FOXP2: variants seen among roughly 807,000 people sequenced by gnomAD.
FOXP2 encodes forkhead box protein P2.
In FOXP2, 12 loss-of-function variants were observed where a neutral mutation model predicts 115.8. The ratio of observed to expected loss-of-function variants is 0.10; its 90% CI spans 0.07 to 0.17. FOXP2 has a LOEUF of 0.17. Among genes scored for constraint, FOXP2 ranks in the 10% least tolerant of loss-of-function variants. FOXP2 has a pLI of 1.00. For missense variants in FOXP2, 629 were observed against 843.5 expected, an observed-to-expected ratio of 0.75 and a Z score of 3.15; for synonymous variants, 328 against 297.7, an observed-to-expected ratio of 1.10 and a Z score of -1.05.
chr7:114,232,542 G>T (rs1794907571), intron 1 of FOXP2, among the ~76,000 whole-genome samples: 1 of 152,078 alleles, frequency 6.6e-6, no homozygotes, highest in Admixed American at 6.6e-5. Flanking sequence ...GGCCCGGCAG[G>T]GTGGCTCATG....
rs1318090982 is a variant in FOXP2 at position 114,631,487 on chromosome 7, A to G, written c.598-41A>G. 5.2e-6 allele frequency: 8 copies of G among 1,551,464 alleles called. No individual in the cohort carries two copies. The African/African-American group carries it at 5.5e-5, about 11-fold the overall frequency. On this transcript the variant is annotated intron_variant, in intron 5 of 16. Transcript: ENST00000350908. Reference sequence around the variant, plus strand: ...TGTAAGAGAGCTGTTTGTACAGACCATGTTCTCTGCTGTTTACTGGTTTGG... The same window carrying G: ...TGTAAGAGAGCTGTTTGTACAGACCGTGTTCTCTGCTGTTTACTGGTTTGG...
At chr7:114,258,953 T>C (rs1795684138) in intron 1 of FOXP2, among the ~76,000 whole-genome samples, 1 of 152,156 alleles carries the variant, frequency 6.6e-6, no homozygotes, top group African/African-American at 2.4e-5. Context: ...TTTCCACTTG[T>C]AGAGGAGAAT....
chr7:114,134,541 G>T (rs948528961), intron 1 of FOXP2, among the ~76,000 whole-genome samples: 5 of 151,484 alleles, frequency 3.3e-5, no homozygotes, highest in Non-Finnish European at 5.9e-5. Context: ...GTGAAACCCC[G>T]TCTCTACTAA....
intron 3 of FOXP2, among the ~76,000 whole-genome samples, chr7:114,592,267 T>A (rs781272655): frequency 2.0e-5 from 3 of 152,126 alleles, no homozygotes; most frequent in Non-Finnish European, 2.9e-5. Context: ...AATATTCATA[T>A]GTAGTATTCT....
At chr7:114,582,039 C>T (rs961910657) in intron 3 of FOXP2, among the ~76,000 whole-genome samples, 7 of 152,018 alleles carry the variant, frequency 4.6e-5, no homozygotes, top group African/African-American at 1.7e-4. Flanking sequence ...AGAATGGTGG[C>T]TTGAGACGAA....
At position 114,547,583 on chromosome 7, in the gene FOXP2, C is replaced by T. The variant is rs550041599; in HGVS notation, c.258+12877C>T. ...CCATCCTGAATAACACGGTGAAACC[C>T]CGTCTCTACTAAAAAATTACAAAAA... is the stretch of plus-strand genomic sequence containing the variant. On this transcript the variant is annotated intron_variant, in intron 3 of 16. Transcript: ENST00000350908. Among the ~76,000 whole-genome samples, 207 of 152,184 alleles carry T rather than the reference C, an allele frequency of 1.4e-3. 3 individuals are homozygous for T. The highest frequency in any genetic ancestry group is 2.3e-3 in the Non-Finnish European group (155 of 68,024).
chr7:114,527,044 C>CA (rs1488356738), intron 2 of FOXP2, among the ~76,000 whole-genome samples: 1 of 142,844 alleles, frequency 7.0e-6, no homozygotes, highest in Non-Finnish European at 1.5e-5. Context: ...GCATATTATA[C>CA]AAATGGAATG....
chr7:114,289,693 G>A (rs1796546742), intron 2 of FOXP2, among the ~76,000 whole-genome samples: 1 of 151,870 alleles, frequency 6.6e-6, no homozygotes, highest in African/African-American at 2.4e-5. Context: ...TGCACTTGAA[G>A]TTAGTCCTCA....
At chr7:114,227,765 A>T (rs183485998) in intron 1 of FOXP2, among the ~76,000 whole-genome samples, 6 of 152,156 alleles carry the variant, frequency 3.9e-5, no homozygotes, top group Admixed American at 3.9e-4. Context: ...AACAGAGGGC[A>T]AATACCAGTG....
At chr7:114,533,161 A>T (rs1584861629) in intron 2 of FOXP2, among the ~76,000 whole-genome samples, 1 of 152,102 alleles carries the variant, frequency 6.6e-6, no homozygotes, top group East Asian at 1.9e-4. Flanking sequence ...AAATGTAAAA[A>T]GTGTGCTTTA....
rs1034742158 is a variant in FOXP2 at position 114,527,640 on chromosome 7, T to C, written c.169-6977T>C. ...TTATATTTACTGTCTACTAAAGAAA[T>C]CTTCTCTTGATTATTCTGCCATCAG... On this transcript the variant is annotated intron_variant, in intron 2 of 16. Transcript: ENST00000350908. 7.9e-5 allele frequency among the ~76,000 whole-genome samples: 12 copies of C among 152,296 alleles called. 1 individual carries two copies. The South Asian group carries it at 2.5e-3, about 32-fold the overall frequency.
chr7:114,565,942 T>C (rs958203893), intron 3 of FOXP2, among the ~76,000 whole-genome samples: 3 of 152,196 alleles, frequency 2.0e-5, no homozygotes, highest in African/African-American at 2.4e-5. Flanking sequence ...ATTTCTCTTT[T>C]CTTCATCTTC....
chr7:114,147,897 T>C (rs1250330603), intron 1 of FOXP2, among the ~76,000 whole-genome samples: 1 of 152,170 alleles, frequency 6.6e-6, no homozygotes, highest in African/African-American at 2.4e-5. Flanking sequence ...GTTTATATGG[T>C]TGAGCCTTGC....
intron 3 of FOXP2, among the ~76,000 whole-genome samples, chr7:114,626,059 A>G (rs1023230223): frequency 6.6e-6 from 1 of 151,836 alleles, no homozygotes; most frequent in African/African-American, 2.4e-5. Flanking sequence ...TAAAATTTTA[A>G]AAAATCACAT....
intron 2 of FOXP2, among the ~76,000 whole-genome samples, chr7:114,498,657 C>A (rs1168894498): frequency 6.6e-6 from 1 of 152,114 alleles, no homozygotes; most frequent in Non-Finnish European, 1.5e-5. Context: ...AGGTAACTAT[C>A]TAATTAATAA....
chr7:114,350,034 A>G (rs1791443297), intron 2 of FOXP2, among the ~76,000 whole-genome samples: 1 of 152,204 alleles, frequency 6.6e-6, no homozygotes, highest in African/African-American at 2.4e-5. Flanking sequence ...ATGTAGCACT[A>G]TATAACAAGA....
At chr7:114,678,507 A>C (rs527869026) in intron 16 of FOXP2, among the ~76,000 whole-genome samples, 5 of 119,126 alleles carry the variant, frequency 4.2e-5, no homozygotes, top group Admixed American at 8.6e-5. Context: ...AAAGCCCTAC[A>C]TGCTTTCTTT....
chr7:114,651,919 C>T (rs1806279131), intron 8 of FOXP2, among the ~76,000 whole-genome samples: 2 of 152,108 alleles, frequency 1.3e-5, no homozygotes, highest in Non-Finnish European at 2.9e-5. Context: ...AATAATATGA[C>T]TTCTACTATA....
chr7:114,616,794 G>A (rs1317816166), intron 3 of FOXP2, among the ~76,000 whole-genome samples: 1 of 152,128 alleles, frequency 6.6e-6, no homozygotes, highest in Non-Finnish European at 1.5e-5. Flanking sequence ...ACCACATATG[G>A]GCTGGTATAG....
Sources: allele counts gnomAD v4.1 joint callset (sites outside exome capture counted in the v4.1 genomes callset), GRCh38; gene constraint gnomAD v4.1.1; transcripts MANE v1.5; gene names NCBI Gene and HGNC (gene_info 2026-07-23, HGNC 2026-07-21).